Variants in HLF observed in about 807,000 individuals in gnomAD.
HLF encodes hepatic leukemia factor.
HLF carries 3 observed loss-of-function variants against 22.6 expected under a neutral mutation model. The ratio of observed to expected loss-of-function variants is 0.13; its 90% confidence interval spans 0.06 to 0.34. The LOEUF is 0.34. Ranked by LOEUF, HLF falls within the 10% of genes least tolerant of loss-of-function variation. The pLI is 1.00. For missense variants in HLF, 299 were observed against 389.2 expected (o/e 0.77, Z 1.95); for synonymous variants, 151 against 151.8 (o/e 0.99, Z 0.04).
intron 2 of HLF, among the ~76,000 whole-genome samples, chr17:55,309,384 C>T (rs1244168431): frequency 6.6e-6 from 1 of 152,098 alleles, no homozygotes; most frequent in Non-Finnish European, 1.5e-5. Flanking sequence ...TTGATTGGCT[C>T]CCTGAATGTA....
intron 2 of HLF, chr17:55,289,012 G>C: frequency 1.2e-6 from 1 of 830,832 alleles, no homozygotes. Flanking sequence ...TGTTGGGTGT[G>C]GGGAAGGGAG....
chr17:55,295,922 A>ATTAG (rs2081108126), intron 2 of HLF, among the ~76,000 whole-genome samples: 1 of 152,206 alleles, frequency 6.6e-6, no homozygotes, highest in East Asian at 1.9e-4. Context: ...GTTATATTAG[A>ATTAG]ATGTATTGAC....
At chr17:55,290,513 A>G (rs115392720) in intron 2 of HLF, among the ~76,000 whole-genome samples, 2,827 of 152,296 alleles carry the variant, frequency 0.019, 85 homozygotes, top group African/African-American at 0.064. Flanking sequence ...TGGGGGCACC[A>G]TGAGCCACAC....
intron 2 of HLF, among the ~76,000 whole-genome samples, chr17:55,298,992 C>T (rs1173252379): frequency 6.6e-6 from 1 of 152,182 alleles, no homozygotes; most frequent in African/African-American, 2.4e-5. Flanking sequence ...CTGTCACTTC[C>T]TTATAATCTA....
At chr17:55,297,460 C>T (rs971383985) in intron 2 of HLF, among the ~76,000 whole-genome samples, 1 of 152,076 alleles carries the variant, frequency 6.6e-6, no homozygotes, top group Non-Finnish European at 1.5e-5. Flanking sequence ...TAGGTAGCCT[C>T]AATAGATTGA....
At chr17:55,265,853 T>A in intron 1 of HLF, 1 of 1,251,680 alleles carries the variant, frequency 8.0e-7, no homozygotes, top group Non-Finnish European at 1.0e-6. Flanking sequence ...TGGGTCCCGC[T>A]CCTGCGGCGC....
intron 2 of HLF, among the ~76,000 whole-genome samples, chr17:55,282,122 A>C (rs929966053): frequency 1.3e-5 from 2 of 152,222 alleles, no homozygotes; most frequent in Non-Finnish European, 2.9e-5. Context: ...ACATTAAACA[A>C]GCTATCAGTA....
chr17:55,318,723 G>A (rs756146117), intron 3 of HLF, among the ~76,000 whole-genome samples: 2 of 152,088 alleles, frequency 1.3e-5, no homozygotes, highest in African/African-American at 2.4e-5. Context: ...CTTGGAAACC[G>A]CACTCCCAGG....
chr17:55,316,632 C>T (rs1447913102), intron 3 of HLF, among the ~76,000 whole-genome samples: 1 of 152,214 alleles, frequency 6.6e-6, no homozygotes, highest in Non-Finnish European at 1.5e-5. Flanking sequence ...AAATGGAAAG[C>T]TGAAGTCAGC....
intron 2 of HLF, among the ~76,000 whole-genome samples, chr17:55,298,051 G>A (rs2081125589): frequency 6.6e-6 from 1 of 152,016 alleles, no homozygotes; most frequent in African/African-American, 2.4e-5. Flanking sequence ...CGCCCAGCCA[G>A]CATTTCTTTC....
At chr17:55,318,733 G>A (rs1379509178) in intron 3 of HLF, among the ~76,000 whole-genome samples, 1 of 152,118 alleles carries the variant, frequency 6.6e-6, no homozygotes, top group Non-Finnish European at 1.5e-5. Context: ...GCACTCCCAG[G>A]CACATTGTTG....
intron 3 of HLF, among the ~76,000 whole-genome samples, chr17:55,317,117 G>A (rs1370502347): frequency 3.9e-5 from 6 of 151,980 alleles, no homozygotes; most frequent in Admixed American, 1.3e-4. Context: ...ACAGGCGCAC[G>A]CCACCACGCC....
chr17:55,308,756 A>C (rs9892195), intron 2 of HLF, among the ~76,000 whole-genome samples: 16,553 of 152,244 alleles, frequency 0.11, 2,152 homozygotes, highest in African/African-American at 0.31. Flanking sequence ...TCTCCATTGC[A>C]ATGAGAATGT....
chr17:55,279,207 A>T (rs184686299), intron 2 of HLF, among the ~76,000 whole-genome samples: 1 of 152,356 alleles, frequency 6.6e-6, no homozygotes, highest in Admixed American at 6.5e-5. Context: ...AAATTTACCC[A>T]AACATAGTAG....
intron 2 of HLF, among the ~76,000 whole-genome samples, chr17:55,310,015 A>G (rs1478914953): frequency 3.3e-5 from 5 of 152,274 alleles, no homozygotes; most frequent in Admixed American, 2.0e-4. Context: ...TTGCTAAAAT[A>G]CGAAAGAATA....
intron 3 of HLF, among the ~76,000 whole-genome samples, chr17:55,316,774 C>T (rs1905082499): frequency 6.6e-6 from 1 of 151,980 alleles, no homozygotes; most frequent in Non-Finnish European, 1.5e-5. Flanking sequence ...ATGGCTGTCA[C>T]CCTGAGAATC....
chr17:55,319,045 A>T (rs886459691), intron 3 of HLF: 1 of 152,324 alleles, frequency 6.6e-6, no homozygotes, highest in African/African-American at 2.4e-5. Context: ...TCCTACCCAG[A>T]AGAATTCTGG....
chr17:55,277,376 A>T (rs564263167), intron 2 of HLF, among the ~76,000 whole-genome samples: 2 of 152,012 alleles, frequency 1.3e-5, no homozygotes, highest in African/African-American at 2.4e-5. Context: ...TGTAAGGATT[A>T]CCTGGGGCAG....
In HLF at chr17:55,275,129, T is replaced by C. The variant is rs373873059; in HGVS notation, c.451+7043T>C. On this transcript the variant is annotated intron_variant, in intron 2 of 3. Coordinates refer to ENST00000226067, the MANE Select transcript of HLF (RefSeq NM_002126.5). ...TTTGTTTTTTGAGACAGGGTCATGCTCTGTGGCCCAGGCTAGAGAGCAGTG... is the reference window on the plus strand; with the variant it reads ...TTTGTTTTTTGAGACAGGGTCATGCCCTGTGGCCCAGGCTAGAGAGCAGTG... Among the ~76,000 whole-genome samples the C allele has an allele frequency of 1.9e-4, 29 of 152,322 alleles. No individual in the cohort carries two copies. In the East Asian group the frequency reaches 5.4e-3, roughly 28 times the overall value.
Sources: allele counts gnomAD v4.1 joint callset (sites outside exome capture counted in the v4.1 genomes callset), GRCh38; gene constraint gnomAD v4.1.1; transcripts MANE v1.5; gene names NCBI Gene and HGNC (gene_info 2026-07-23, HGNC 2026-07-21).